KIFAP3: variants seen among roughly 807,000 people sequenced by gnomAD.
The protein encoded by KIFAP3 is kinesin-associated protein 3.
In KIFAP3, 68 loss-of-function variants were observed where a neutral mutation model predicts 106.5. The ratio of observed to expected loss-of-function variants is 0.64; its 90% confidence interval spans 0.53 to 0.78. The LOEUF (loss-of-function observed/expected upper bound fraction) is 0.78. Among genes scored for constraint, KIFAP3 ranks in the 30% least tolerant of loss-of-function variants. The pLI, the probability that KIFAP3 is intolerant of heterozygous loss-of-function variation, is 0.00. For missense variants in KIFAP3, 780 were observed against 941.8 expected, an observed-to-expected ratio of 0.83 and a Z score of 2.25; for synonymous variants, 320 against 311.5, an observed-to-expected ratio of 1.03 and a Z score of -0.29.
intron 10 of KIFAP3, among the ~76,000 whole-genome samples, chr1:170,002,958 T>A (rs1167804688): frequency 6.6e-6 from 1 of 152,194 alleles, no homozygotes; most frequent in Non-Finnish European, 1.5e-5. Context: ...TATGGACTTC[T>A]GAATACGTTT....
chr1:170,038,893 AC>A (rs1342133257), intron 4 of KIFAP3, among the ~76,000 whole-genome samples: 2 of 152,010 alleles, frequency 1.3e-5, no homozygotes, highest in African/African-American at 4.8e-5. Flanking sequence ...GACAAGCCTG[AC>A]CAACATGGTG....
At position 169,992,272 on chromosome 1, in the gene KIFAP3, ATGG is replaced by A; in HGVS notation, c.1184-20_1184-18del. On this transcript the variant is annotated intron_variant, in intron 10 of 19. Transcript: ENST00000361580. Reference sequence around the variant, plus strand: ...TGTCATTGCCTAGGAATAAAACATCATGGTGATGATGCTATAAATATATATTTT... The same window carrying A: ...TGTCATTGCCTAGGAATAAAACATCATGATGATGCTATAAATATATATTTT... 1.5e-6 allele frequency: 2 copies of A among 1,326,408 alleles called. No individual in the cohort carries two copies. Among genetic ancestry groups the A allele is most frequent in the Non-Finnish European group, 2.1e-6 (2 of 951,274 alleles). 82.2% of individuals were successfully genotyped at this position (1,326,408 alleles called of 1,614,324 possible). A position where few individuals can be genotyped will look rare whatever the true frequency, so the allele number is the denominator to read the frequency against.
intron 19 of KIFAP3, among the ~76,000 whole-genome samples, chr1:169,938,621 C>A (rs966597668): frequency 5.3e-5 from 8 of 152,002 alleles, no homozygotes; most frequent in Non-Finnish European, 8.8e-5. Context: ...CCTAGTGGTG[C>A]CAGTAGATAG....
intron 2 of KIFAP3, among the ~76,000 whole-genome samples, chr1:170,052,076 A>T (rs991239902): frequency 2.0e-5 from 3 of 152,154 alleles, no homozygotes; most frequent in African/African-American, 7.2e-5. Context: ...CAAAAAAATT[A>T]ACAAAATAGA....
chr1:169,998,023 T>C (rs924996983), intron 10 of KIFAP3, among the ~76,000 whole-genome samples: 2 of 150,706 alleles, frequency 1.3e-5, no homozygotes, highest in African/African-American at 2.4e-5. Flanking sequence ...CATAGAGTTA[T>C]AAATCCCTTA....
rs549029745 is a variant in KIFAP3, at chr1:169,962,061, T to C, written c.1984-826A>G. 5.3e-5 allele frequency among the ~76,000 whole-genome samples: 8 copies of C among 152,300 alleles called. No homozygotes were observed. In the South Asian group the frequency reaches 1.0e-3, roughly 20 times the overall value. Reference sequence around the variant, plus strand: ...TGACATATTTTGCTGTATCTTTTAGTCTAGATAACACTGGGGGAAGTACTG... The same window carrying C: ...TGACATATTTTGCTGTATCTTTTAGCCTAGATAACACTGGGGGAAGTACTG... On this transcript the variant is annotated intron_variant, in intron 17 of 19. Coordinates refer to ENST00000361580, the MANE Select transcript of KIFAP3 (RefSeq NM_014970.4).
chr1:169,959,699 AATTG>A (rs1436011441), intron 18 of KIFAP3, among the ~76,000 whole-genome samples: 2 of 152,138 alleles, frequency 1.3e-5, no homozygotes, highest in African/African-American at 4.8e-5. Flanking sequence ...GGAAACTGGT[AATTG>A]ATTCATTATG....
chr1:169,944,204 C>A (rs183905304), intron 19 of KIFAP3, among the ~76,000 whole-genome samples: 26 of 152,196 alleles, frequency 1.7e-4, no homozygotes, highest in Non-Finnish European at 3.2e-4. Context: ...GGTGACCAAG[C>A]GCAGGGTCTG....
At chr1:169,940,753 G>A (rs1363539869) in intron 19 of KIFAP3, among the ~76,000 whole-genome samples, 1 of 152,146 alleles carries the variant, frequency 6.6e-6, no homozygotes, top group Non-Finnish European at 1.5e-5. Context: ...CTGATTTAGA[G>A]AATACCATTT....
intron 10 of KIFAP3, among the ~76,000 whole-genome samples, chr1:170,007,730 C>T (rs1244921143): frequency 6.6e-6 from 1 of 152,126 alleles, no homozygotes; most frequent in African/African-American, 2.4e-5. Flanking sequence ...CCCCATCAAG[C>T]TACCAATGAG....
At position 169,977,988 on chromosome 1, in the gene KIFAP3, C is replaced by A. The variant is rs1022716495; in HGVS notation, c.1897+97G>T. ...TTATCTCAAAACTTAGTGTTTTCTA[C>A]GTTATTTCAACATTTGCAAAAAAAA... On this transcript the variant is annotated intron_variant, in intron 16 of 19. Coordinates refer to ENST00000361580, the MANE Select transcript of KIFAP3 (RefSeq NM_014970.4). 6 of 754,956 alleles carry A rather than the reference C, an allele frequency of 7.9e-6. No homozygotes were observed. In the African/African-American group the frequency reaches 9.6e-5, roughly 12 times the overall value. The allele number at this position is 754,956 out of a possible 1,614,324, so 46.8% of individuals were successfully genotyped here. A position where few individuals can be genotyped will look rare whatever the true frequency, so the allele number is the denominator to read the frequency against.
At chr1:169,959,349 TA>T (rs1474628019) in intron 18 of KIFAP3, among the ~76,000 whole-genome samples, 4 of 151,866 alleles carry the variant, frequency 2.6e-5, no homozygotes, top group Non-Finnish European at 5.9e-5. Flanking sequence ...ATTACTAAAC[TA>T]AAAAAAATTG....
rs1664871387 is a variant in KIFAP3, at chr1:169,953,912, CT to C, written c.2273+98del. 2.1e-5 allele frequency: 17 copies of C among 808,116 alleles called. 1 individual carries two copies. The highest frequency in any genetic ancestry group is 1.2e-4 in the Admixed American group (6 of 51,168). The allele number at this position is 808,116 out of a possible 1,614,324, so 50.1% of individuals were successfully genotyped here. On this transcript the variant is annotated intron_variant, in intron 19 of 19. Coordinates refer to ENST00000361580, the MANE Select transcript of KIFAP3 (RefSeq NM_014970.4). Reference sequence around the variant, plus strand: ...GAAAAGATTGAGGGTTTTTTCCCCCCTCTTAATGAAAAAGAAGAGAAATGGA... The same window carrying C: ...GAAAAGATTGAGGGTTTTTTCCCCCCCTTAATGAAAAAGAAGAGAAATGGA...
intron 18 of KIFAP3, among the ~76,000 whole-genome samples, chr1:169,955,764 C>T (rs2101848713): frequency 6.6e-6 from 1 of 152,130 alleles, no homozygotes; most frequent in East Asian, 1.9e-4. Context: ...ATTTAAAATA[C>T]TTAAGAGATT....
rs372981273 is a variant in KIFAP3, at chr1:169,921,829, C to A, written c.2274-48G>T. 2.4e-4 allele frequency: 326 copies of A among 1,365,530 alleles called. 1 individual carries two copies. The highest frequency in any genetic ancestry group is 1.6e-3 in the Admixed American group (91 of 56,818). The allele number at this position is 1,365,530 out of a possible 1,614,324, so 84.6% of individuals were successfully genotyped here. A position where few individuals can be genotyped will look rare whatever the true frequency, so the allele number is the denominator to read the frequency against. ...ATAAGCTATGTTTTTCATCACACATCCACAATGCAGATTAAGAGGCCTACA... is the reference window on the plus strand; with the variant it reads ...ATAAGCTATGTTTTTCATCACACATACACAATGCAGATTAAGAGGCCTACA... On this transcript the variant is annotated intron_variant, in intron 19 of 19. Coordinates refer to ENST00000361580, the MANE Select transcript of KIFAP3 (RefSeq NM_014970.4).
At chr1:170,057,603 T>C (rs973850944) in intron 1 of KIFAP3, among the ~76,000 whole-genome samples, 1 of 151,752 alleles carries the variant, frequency 6.6e-6, no homozygotes, top group Non-Finnish European at 1.5e-5. Context: ...GTTTTTTTTT[T>C]TTAACAGAAG....
chr1:169,984,634 A>G lies in KIFAP3; in HGVS notation c.1341T>C (p.Ser447=). 3 of 1,609,968 alleles carry G rather than the reference A, an allele frequency of 1.9e-6. No individual in the cohort carries two copies. The highest frequency in any genetic ancestry group is 2.5e-6 in the Non-Finnish European group (3 of 1,177,186). ...TGTTAGCAGCAAGATTAATGCAGAAAGAAATGAGTTCCAAGTCAATTCGTT... is the reference window on the plus strand; with the variant it reads ...TGTTAGCAGCAAGATTAATGCAGAAGGAAATGAGTTCCAAGTCAATTCGTT... ...SDERIDLELI[S]FCINLAANKR... Residue 447 remains serine (S), a synonymous_variant, in exon 12 of 20, where the codon TCT becomes TCC. Coordinates refer to ENST00000361580, the MANE Select transcript of KIFAP3 (RefSeq NM_014970.4).
At chr1:170,063,992 C>T (rs946432237) in intron 1 of KIFAP3, among the ~76,000 whole-genome samples, 2 of 151,838 alleles carry the variant, frequency 1.3e-5, no homozygotes, top group African/African-American at 4.8e-5. Flanking sequence ...AGATTTATTC[C>T]CAAGTACCTT....
chr1:170,034,282 TAAAAAAG>T, intron 7 of KIFAP3, 83 bp downstream of exon 7: 1 of 1,270,808 alleles, frequency 7.9e-7, no homozygotes, highest in Non-Finnish European at 1.1e-6. Context: ...TAACAATTTT[TAAAAAAG>T]AAAAAAGAAC....
Sources: gnomAD v4.1 joint callset for allele counts (sites outside exome capture counted in the v4.1 genomes callset) on GRCh38, gnomAD v4.1.1 for gene constraint, MANE v1.5 for transcripts, NCBI Gene and HGNC (gene_info 2026-07-23, HGNC 2026-07-21) for gene names.